Variants in ADAMTSL1 observed in about 807,000 individuals in gnomAD.
ADAMTSL1 encodes the protein ADAMTS like 1.
A neutral mutation model predicts 201.8 loss-of-function variants in ADAMTSL1; 126 were observed. The observed-to-expected ratio is 0.62, with a 90% CI of 0.54 to 0.72. ADAMTSL1 has a LOEUF of 0.72. Among genes scored for constraint, ADAMTSL1 ranks in the 30% least tolerant of loss-of-function variants. The probability of loss-of-function intolerance (pLI) is 0.00; values close to 1 mark genes in which losing one functional copy is unlikely to be tolerated. For synonymous variants in ADAMTSL1, 1,121 were observed against 903.4 expected, an observed-to-expected ratio of 1.24 and a Z score of -4.32; for missense variants, 2,679 against 2,277.8, an observed-to-expected ratio of 1.18 and a Z score of -3.59.
intron 4 of ADAMTSL1, among the ~76,000 whole-genome samples, chr9:18,621,863 T>C (rs1383228971): frequency 6.6e-6 from 1 of 152,178 alleles, no homozygotes; most frequent in African/African-American, 2.4e-5. Flanking sequence ...TGGTTGTAGT[T>C]TTTGTCATTT....
intron 23 of ADAMTSL1, among the ~76,000 whole-genome samples, chr9:18,865,179 A>G (rs529363287): frequency 6.6e-6 from 1 of 152,086 alleles, no homozygotes; most frequent in Non-Finnish European, 1.5e-5. Context: ...TCCTAATGCT[A>G]TCCCTCCCCG....
intron 1 of ADAMTSL1, among the ~76,000 whole-genome samples, chr9:17,951,134 C>T (rs1021065831): frequency 2.0e-5 from 3 of 152,126 alleles, no homozygotes; most frequent in African/African-American, 7.2e-5. Context: ...TAGATGAACT[C>T]GCCTAGAGCA....
intron 15 of ADAMTSL1, among the ~76,000 whole-genome samples, chr9:18,749,020 G>C (rs532926743): frequency 1.4e-4 from 21 of 152,194 alleles, no homozygotes; most frequent in African/African-American, 5.1e-4. Context: ...CTCTGTCGTC[G>C]CATGGCATTT....
chr9:18,265,208 C>T (rs1832075457), intron 2 of ADAMTSL1, among the ~76,000 whole-genome samples: 1 of 152,136 alleles, frequency 6.6e-6, no homozygotes, highest in Non-Finnish European at 1.5e-5. Flanking sequence ...TTTAAATATG[C>T]CAGGCCTGTT....
intron 14 of ADAMTSL1, among the ~76,000 whole-genome samples, chr9:18,709,535 T>G (rs1832429513): frequency 6.6e-6 from 1 of 152,130 alleles, no homozygotes; most frequent in Non-Finnish European, 1.5e-5. Flanking sequence ...AAGGAACTAG[T>G]TAGTAATTTA....
intron 4 of ADAMTSL1, among the ~76,000 whole-genome samples, chr9:18,601,348 A>C (rs182810362): frequency 1.3e-5 from 2 of 152,364 alleles, no homozygotes; most frequent in African/African-American, 4.8e-5. Flanking sequence ...CTCAAAGGCC[A>C]GGCCTCAAGA....
intron 9 of ADAMTSL1, among the ~76,000 whole-genome samples, chr9:18,669,867 G>A (rs1407116423): frequency 6.6e-6 from 1 of 152,104 alleles, no homozygotes; most frequent in African/African-American, 2.4e-5. Flanking sequence ...CTTGATGTAA[G>A]GTATTCAAGG....
chr9:18,315,660 G>T lies in ADAMTSL1; in HGVS notation c.207+151679G>T, dbSNP rs574054121. Reference sequence around the variant, plus strand: ...CCGATCCCGCGCCCACCTGGAACTCGCGCTGGCCCACGAGCTCTGTTTGCA... The same window carrying T: ...CCGATCCCGCGCCCACCTGGAACTCTCGCTGGCCCACGAGCTCTGTTTGCA... On this transcript the variant is annotated intron_variant, in intron 2 of 29. Coordinates refer to the ADAMTSL1 transcript ENST00000680146. 1.5e-3 allele frequency among the ~76,000 whole-genome samples: 233 copies of T among 152,266 alleles called. 2 individuals are homozygous for T. The highest frequency in any genetic ancestry group is 5.3e-3 in the African/African-American group (220 of 41,574).
chr9:17,959,459 T>G (rs1312001037), intron 1 of ADAMTSL1, among the ~76,000 whole-genome samples: 2 of 152,064 alleles, frequency 1.3e-5, no homozygotes, highest in East Asian at 3.9e-4. Flanking sequence ...TTATTTTTAT[T>G]TTTTATTTTT....
intron 2 of ADAMTSL1, among the ~76,000 whole-genome samples, chr9:18,190,135 T>G (rs1587271828): frequency 6.6e-6 from 1 of 152,306 alleles, no homozygotes; most frequent in South Asian, 2.1e-4. Flanking sequence ...AGCTCAGAAA[T>G]TCAGGGGAAT....
intron 2 of ADAMTSL1, among the ~76,000 whole-genome samples, chr9:18,213,256 T>C (rs1282884738): frequency 6.6e-6 from 1 of 152,230 alleles, no homozygotes; most frequent in East Asian, 1.9e-4. Context: ...AGATTCTTGT[T>C]CTTTCCCCTT....
chr9:18,269,899 C>T (rs568850950), intron 2 of ADAMTSL1, among the ~76,000 whole-genome samples: 28 of 148,046 alleles, frequency 1.9e-4, no homozygotes, highest in Non-Finnish European at 3.6e-4. Context: ...ATTTATTCTG[C>T]TTTCCCATGG....
intron 2 of ADAMTSL1, among the ~76,000 whole-genome samples, chr9:18,420,296 G>A (rs754148833): frequency 3.3e-5 from 5 of 152,166 alleles, no homozygotes; most frequent in Admixed American, 6.5e-5. Flanking sequence ...TATAGGAGGG[G>A]ATAAGGGCTT....
At chr9:18,250,821 A>T (rs1831436547) in intron 2 of ADAMTSL1, among the ~76,000 whole-genome samples, 1 of 152,164 alleles carries the variant, frequency 6.6e-6, no homozygotes, top group African/African-American at 2.4e-5. Context: ...GCAGATGGTA[A>T]GAGAAGAAAT....
rs1276218905 is a variant in ADAMTSL1 at position 18,690,346 on chromosome 9, A to C, written c.1574+5546A>C. ...TTAAGAATGTGAATTCATATTTTTTAAGTGGCTAGAAATTTTAATTGTGTG... is the reference window on the plus strand; with the variant it reads ...TTAAGAATGTGAATTCATATTTTTTCAGTGGCTAGAAATTTTAATTGTGTG... On this transcript the variant is annotated intron_variant, in intron 13 of 28. Transcript: ENST00000380548. Among the ~76,000 whole-genome samples, 6 of 151,904 alleles carry C rather than the reference A, an allele frequency of 3.9e-5. 1 individual carries two copies. Among genetic ancestry groups the C allele is most frequent in the Admixed American group, 2.0e-4 (3 of 15,270 alleles).
At chr9:18,649,609 C>T (rs10963705) in intron 7 of ADAMTSL1, among the ~76,000 whole-genome samples, 1 of 151,828 alleles carries the variant, frequency 6.6e-6, no homozygotes, top group Non-Finnish European at 1.5e-5. Flanking sequence ...TTCTAACAGA[C>T]AGGACCCTCA....
At chr9:18,640,349 T>C (rs749510245) in intron 7 of ADAMTSL1, among the ~76,000 whole-genome samples, 2 of 152,154 alleles carry the variant, frequency 1.3e-5, no homozygotes, top group Non-Finnish European at 2.9e-5. Context: ...ATGATTTCTG[T>C]TAAGCAAGAA....
intron 1 of ADAMTSL1, among the ~76,000 whole-genome samples, chr9:18,049,848 C>A (rs1406362091): frequency 6.6e-6 from 1 of 152,166 alleles, no homozygotes; most frequent in Non-Finnish European, 1.5e-5. Context: ...TGGTCTCGAT[C>A]TCCTGACCTC....
chr9:18,571,882 G>A (rs945249444), intron 3 of ADAMTSL1, among the ~76,000 whole-genome samples: 3 of 152,156 alleles, frequency 2.0e-5, no homozygotes, highest in Non-Finnish European at 2.9e-5. Flanking sequence ...TCTGAAAGGA[G>A]CTTGTGTTAA....
Sources: gnomAD v4.1 joint callset for allele counts (sites outside exome capture counted in the v4.1 genomes callset) on GRCh38, gnomAD v4.1.1 for gene constraint, MANE v1.5 for transcripts, NCBI Gene and HGNC (gene_info 2026-07-23, HGNC 2026-07-21) for gene names.